Variants in SLC10A7 observed in about 807,000 individuals in gnomAD.
SLC10A7 encodes solute carrier family 10 member 7, also known as sodium/bile acid cotransporter 7.
SLC10A7 carries 29 observed loss-of-function variants against 43.2 expected under a neutral mutation model. The ratio of observed to expected loss-of-function variants is 0.67; its 90% CI spans 0.50 to 0.92. The LOEUF is 0.92. SLC10A7 is among the 40% of genes least tolerant of loss of function. SLC10A7 has a pLI of 0.00. For missense variants in SLC10A7, 295 were observed against 403.2 expected, an observed-to-expected ratio of 0.73 and a Z score of 2.30; for synonymous variants, 152 against 144.8, an observed-to-expected ratio of 1.05 and a Z score of -0.35.
intron 4 of SLC10A7, among the ~76,000 whole-genome samples, chr4:146,467,562 C>CTCT (rs1733152230): frequency 1.1e-5 from 1 of 92,832 alleles, no homozygotes; most frequent in African/African-American, 4.2e-5. Context: ...TTCTTTCTCT[C>CTCT]TTTTTTTTTT....
At chr4:146,327,926 T>G (rs1170431144) in intron 5 of SLC10A7, among the ~76,000 whole-genome samples, 1 of 151,934 alleles carries the variant, frequency 6.6e-6, no homozygotes, top group Non-Finnish European at 1.5e-5. Context: ...TATATGCCAC[T>G]CACTGGCATC....
rs1322053394 is a variant in SLC10A7, at chr4:146,416,837, C to A, written c.435+25946G>T. Among the ~76,000 whole-genome samples the A allele has an allele frequency of 4.6e-5, 7 of 152,244 alleles. No individual in the cohort carries two copies. In the East Asian group the frequency reaches 1.4e-3, roughly 29 times the overall value. On this transcript the variant is annotated intron_variant, in intron 5 of 11. Coordinates refer to ENST00000335472, the MANE Select transcript of SLC10A7 (RefSeq NM_001029998.6). Reference sequence around the variant, plus strand: ...CTTTTCTGTTCTGGCTATTCTCCTACCTCAATACCTTTGTACTTTGAGTTA... The same window carrying A: ...CTTTTCTGTTCTGGCTATTCTCCTAACTCAATACCTTTGTACTTTGAGTTA...
chr4:146,482,206 G>A (rs1198334526), intron 4 of SLC10A7, among the ~76,000 whole-genome samples: 2 of 151,960 alleles, frequency 1.3e-5, no homozygotes, highest in Non-Finnish European at 2.9e-5. Context: ...CAAGACACAT[G>A]AAAAAATAAG....
At chr4:146,262,043 C>T (rs1210252995) in intron 10 of SLC10A7, among the ~76,000 whole-genome samples, 1 of 152,216 alleles carries the variant, frequency 6.6e-6, no homozygotes, top group Non-Finnish European at 1.5e-5. Flanking sequence ...CCCCACTGCT[C>T]TATGGACTTA....
At chr4:146,264,569 G>A (rs114072575) in intron 10 of SLC10A7, among the ~76,000 whole-genome samples, 3,276 of 152,146 alleles carry the variant, frequency 0.022, 63 homozygotes, top group South Asian at 0.058. Context: ...CCCAGACAAG[G>A]TGCCTACTTT....
intron 2 of SLC10A7, among the ~76,000 whole-genome samples, chr4:146,511,181 A>G (rs1166935589): frequency 3.3e-5 from 5 of 152,228 alleles, no homozygotes; most frequent in Non-Finnish European, 5.9e-5. Context: ...CACATTAAAC[A>G]TAAGAAACCA....
At chr4:146,427,518 A>G (rs1383592296) in intron 5 of SLC10A7, among the ~76,000 whole-genome samples, 2 of 152,150 alleles carry the variant, frequency 1.3e-5, no homozygotes, top group Non-Finnish European at 1.5e-5. Context: ...TTCTACAGAG[A>G]CATATGGTGA....
intron 4 of SLC10A7, among the ~76,000 whole-genome samples, chr4:146,474,132 G>GGA (rs1553982728): frequency 0.022 from 289 of 13,164 alleles, 2 homozygotes; most frequent in East Asian, 0.078. Context: ...AAATAAAAGA[G>GGA]AAAAAAAAAA....
intron 5 of SLC10A7, among the ~76,000 whole-genome samples, chr4:146,357,492 C>T (rs1735739840): frequency 6.6e-6 from 1 of 152,130 alleles, no homozygotes; most frequent in African/African-American, 2.4e-5. Context: ...GCAAAAAAGG[C>T]AAAGCAAATA....
At chr4:146,483,482 A>G (rs993618804) in intron 4 of SLC10A7, among the ~76,000 whole-genome samples, 2 of 152,118 alleles carry the variant, frequency 1.3e-5, no homozygotes, top group African/African-American at 4.8e-5. Flanking sequence ...ATATACAAAC[A>G]ATAAAGTGAA....
chr4:146,516,985 G>A, intron 2 of SLC10A7, 53 bp downstream of exon 2: 1 of 1,358,726 alleles, frequency 7.4e-7, no homozygotes. Flanking sequence ...ATTTAAGTAA[G>A]TACAAATTAA....
intron 10 of SLC10A7, among the ~76,000 whole-genome samples, chr4:146,276,017 A>G (rs1011915338): frequency 3.3e-5 from 5 of 152,188 alleles, no homozygotes; most frequent in Admixed American, 2.6e-4. Flanking sequence ...AAAATGAGGT[A>G]GGGATCACTC....
intron 4 of SLC10A7, among the ~76,000 whole-genome samples, chr4:146,469,578 C>T (rs1733374042): frequency 1.3e-5 from 2 of 152,144 alleles, no homozygotes; most frequent in South Asian, 4.1e-4. Context: ...TGATCACCAT[C>T]CTCAAGAACA....
At chr4:146,446,772 C>G (rs977354292) in intron 4 of SLC10A7, among the ~76,000 whole-genome samples, 2 of 151,856 alleles carry the variant, frequency 1.3e-5, no homozygotes, top group African/African-American at 2.4e-5. Context: ...ATCTATCTAT[C>G]TATCTATCTA....
chr4:146,426,745 T>C (rs1194511262), intron 5 of SLC10A7, among the ~76,000 whole-genome samples: 1 of 151,346 alleles, frequency 6.6e-6, no homozygotes, highest in Non-Finnish European at 1.5e-5. Flanking sequence ...CATGGTGGTA[T>C]GCGCCTGTAA....
chr4:146,466,500 C>T (rs1376301746), intron 4 of SLC10A7, among the ~76,000 whole-genome samples: 2 of 152,120 alleles, frequency 1.3e-5, no homozygotes, highest in Non-Finnish European at 2.9e-5. Flanking sequence ...AGATCAGGAG[C>T]TCACAGAGTC....
chr4:146,427,637 T>C (rs1326698163), intron 5 of SLC10A7, among the ~76,000 whole-genome samples: 1 of 152,196 alleles, frequency 6.6e-6, no homozygotes, highest in Non-Finnish European at 1.5e-5. Flanking sequence ...TACTCATTGT[T>C]TCCTCTTTAG....
chr4:146,406,383 T>C (rs945066943), intron 5 of SLC10A7, among the ~76,000 whole-genome samples: 1 of 152,210 alleles, frequency 6.6e-6, no homozygotes, highest in Non-Finnish European at 1.5e-5. Context: ...TATCGCTGAA[T>C]ACCTAATATA....
At chr4:146,420,299 T>C (rs1371071280) in intron 5 of SLC10A7, among the ~76,000 whole-genome samples, 2 of 152,254 alleles carry the variant, frequency 1.3e-5, no homozygotes, top group Non-Finnish European at 2.9e-5. Flanking sequence ...TTGTTCATGA[T>C]GCTTCGCAAC....
Sources: gnomAD v4.1 joint callset for allele counts (sites outside exome capture counted in the v4.1 genomes callset) on GRCh38, gnomAD v4.1.1 for gene constraint, MANE v1.5 for transcripts, NCBI Gene and HGNC (gene_info 2026-07-23, HGNC 2026-07-21) for gene names.